PDE3B: variants seen among roughly 807,000 people sequenced by gnomAD.
The protein encoded by PDE3B is cGMP-inhibited 3',5'-cyclic phosphodiesterase 3B.
A neutral mutation model predicts 116.8 loss-of-function variants in PDE3B; 66 were observed. The ratio of observed to expected loss-of-function variants is 0.56; its 90% CI spans 0.46 to 0.69. PDE3B has a LOEUF of 0.69. Ranked by LOEUF, PDE3B falls within the 30% of genes least tolerant of loss-of-function variation. The pLI is 0.00. For missense variants in PDE3B, 1,384 were observed against 1,368.1 expected (o/e 1.01, Z -0.18); for synonymous variants, 595 against 533.6 (o/e 1.12, Z -1.59).
chr11:14,664,090 C>G (rs547068724), intron 1 of PDE3B, among the ~76,000 whole-genome samples: 1 of 152,290 alleles, frequency 6.6e-6, no homozygotes, highest in East Asian at 1.9e-4. Context: ...TGCAATCAAA[C>G]TAGAGCTCAG....
chr11:14,787,702 T>C (rs918322554), intron 3 of PDE3B, among the ~76,000 whole-genome samples: 9 of 151,880 alleles, frequency 5.9e-5, no homozygotes, highest in Admixed American at 1.3e-4. Flanking sequence ...CCCAATTAAT[T>C]AGTACTTAGT....
intron 10 of PDE3B, among the ~76,000 whole-genome samples, chr11:14,834,713 C>T (rs1476938993): frequency 6.6e-6 from 1 of 152,146 alleles, no homozygotes; most frequent in Non-Finnish European, 1.5e-5. Flanking sequence ...AGAAAATAGC[C>T]ACCTTGAGAA....
Position 14,861,384 on chromosome 11 carries a change from C to G in PDE3B, c.2886+18C>G. 1 of 1,609,002 alleles carries G rather than the reference C, an allele frequency of 6.2e-7. No individual in the cohort carries two copies. Among genetic ancestry groups the G allele is most frequent in the Non-Finnish European group, 8.5e-7 (1 of 1,176,418 alleles). On this transcript the variant is annotated intron_variant, in intron 14 of 15. Coordinates refer to ENST00000282096, the MANE Select transcript of PDE3B (RefSeq NM_000922.4). ...ATGAGCAGGTAAGTTGAAACCTGAG[C>G]TTGGTGGGATTTTTAAGAGCTGTCA...
At chr11:14,858,300 ATAATT>A (rs1395955184) in intron 12 of PDE3B, among the ~76,000 whole-genome samples, 1 of 152,154 alleles carries the variant, frequency 6.6e-6, no homozygotes, top group African/African-American at 2.4e-5. Context: ...TGCTTATTTA[ATAATT>A]TAAAGAATTG....
the PDE3B span, chr11:14,877,908 TC>T: frequency 1.8e-6 from 1 of 553,834 alleles, no homozygotes; most frequent in African/African-American, 1.9e-5. Flanking sequence ...TTTGTGTCTC[TC>T]AACAGAGAAT....
intron 13 of PDE3B, among the ~76,000 whole-genome samples, chr11:14,860,206 T>C (rs1448778607): frequency 2.6e-5 from 4 of 152,218 alleles, no homozygotes; most frequent in Non-Finnish European, 5.9e-5. Flanking sequence ...TCACCTTTTA[T>C]AGGTAAAAGA....
intron 1 of PDE3B, among the ~76,000 whole-genome samples, chr11:14,652,174 G>A (rs1853589984): frequency 6.6e-6 from 1 of 151,972 alleles, no homozygotes; most frequent in African/African-American, 2.4e-5. Flanking sequence ...TAAGGTAATG[G>A]TCCAACTTTA....
intron 1 of PDE3B, among the ~76,000 whole-genome samples, chr11:14,667,500 A>C (rs1006121083): frequency 1.6e-4 from 25 of 151,784 alleles, no homozygotes; most frequent in African/African-American, 5.8e-4. Flanking sequence ...ATGGAATACT[A>C]TGCAGCCATA....
At chr11:14,876,158 A>G (rs1848186486), downstream of PDE3B, among the ~76,000 whole-genome samples, 1 of 152,130 alleles carries the variant, frequency 6.6e-6, no homozygotes, top group South Asian at 2.1e-4. Context: ...CCCTGGGATG[A>G]GAGATTTGCT....
the PDE3B span, chr11:14,878,075 GA>G: frequency 6.3e-7 from 1 of 1,598,472 alleles, no homozygotes; most frequent in Non-Finnish European, 8.6e-7. Flanking sequence ...CAAGTTCAGG[GA>G]TAAGGCAAAT....
At chr11:14,715,274 T>C (rs2133833524) in intron 1 of PDE3B, among the ~76,000 whole-genome samples, 1 of 152,294 alleles carries the variant, frequency 6.6e-6, no homozygotes, top group South Asian at 2.1e-4. Context: ...AACTTTAAAG[T>C]AGTTTTTTCC....
chr11:14,765,466 C>A (rs1268366722), intron 1 of PDE3B, among the ~76,000 whole-genome samples: 1 of 151,722 alleles, frequency 6.6e-6, no homozygotes, highest in East Asian at 1.9e-4. Context: ...TATCAGGATT[C>A]AACTTTTTAA....
At chr11:14,881,329 T>C in the PDE3B span, among the ~76,000 whole-genome samples, 1 of 152,104 alleles carries the variant, frequency 6.6e-6, no homozygotes, top group African/African-American at 2.4e-5. Context: ...AGGGCAAACA[T>C]GAAGCTCAAA....
intron 1 of PDE3B, among the ~76,000 whole-genome samples, chr11:14,651,733 A>C (rs1853580010): frequency 6.6e-6 from 1 of 152,202 alleles, no homozygotes; most frequent in Admixed American, 6.5e-5. Context: ...ATGGATATCC[A>C]GTCATGCCAA....
rs775969279 is a variant in PDE3B at position 14,843,832 on chromosome 11, G to A, written c.2326G>A (p.Asp776Asn). The A allele has an allele frequency of 1.9e-6, 3 of 1,612,620 alleles. No individual in the cohort carries two copies. In the South Asian group the frequency reaches 3.3e-5, roughly 18 times the overall value. The change falls in exon 12 of 16, where the codon GAT (aspartate) becomes AAT (asparagine). Residue 776 changes from aspartate (D) to asparagine (N), a missense_variant. Physicochemically the swap from Asp to Asn is conservative, Grantham distance 23. Around this residue, in one of 2 missense-constraint regions of PDE3B, gnomAD observed 428 missense variants for 561.4 expected, o/e 0.76. Coordinates refer to ENST00000282096, the MANE Select transcript of PDE3B (RefSeq NM_000922.4). Reference sequence around the variant, plus strand: ...TGCTATTTATTGTTTCTCAGATTCTGATGGTAGAATTAACCATGGGCGAAT... The same window carrying A: ...TGCTATTTATTGTTTCTCAGATTCTAATGGTAGAATTAACCATGGGCGAAT... ...GCGTGNETDS[D>N]GRINHGRIAY...
At chr11:14,843,780 A>G (rs1847523888) in intron 11 of PDE3B, 47 bp from the exon 12 acceptor site, 1 of 1,453,784 alleles carries the variant, frequency 6.9e-7, no homozygotes, top group Admixed American at 1.7e-5. Context: ...AATTGTGAGG[A>G]ATTTATGTGC....
intron 12 of PDE3B, among the ~76,000 whole-genome samples, chr11:14,851,579 T>G (rs1356581084): frequency 6.6e-6 from 1 of 152,118 alleles, no homozygotes. Flanking sequence ...CCAATGAGAC[T>G]TTATTAATAG....
At chr11:14,797,430 T>C (rs1318025097) in intron 4 of PDE3B, among the ~76,000 whole-genome samples, 1 of 152,208 alleles carries the variant, frequency 6.6e-6, no homozygotes, top group Non-Finnish European at 1.5e-5. Context: ...TTTGGTTCCA[T>C]ATGAAATTTA....
intron 1 of PDE3B, among the ~76,000 whole-genome samples, chr11:14,746,017 A>G (rs1856900827): frequency 6.6e-6 from 1 of 152,164 alleles, no homozygotes; most frequent in Non-Finnish European, 1.5e-5. Flanking sequence ...TGAAAGATTT[A>G]TTTCCCCAGC....
Sources: gnomAD v4.1 joint callset for allele counts (sites outside exome capture counted in the v4.1 genomes callset) on GRCh38, gnomAD v4.1.1 for gene constraint, gnomAD v4.1.1 regional missense constraint, MANE v1.5 for transcripts, NCBI Gene and HGNC (gene_info 2026-07-23, HGNC 2026-07-21) for gene names.